TMEM128: variants seen among roughly 807,000 people sequenced by gnomAD.
TMEM128 encodes the protein transmembrane protein 128.
In TMEM128, 16 loss-of-function variants were observed where a neutral mutation model predicts 19.7. The observed-to-expected ratio is 0.81, with a 90% CI of 0.55 to 1.23. TMEM128 has a LOEUF of 1.23. Ranked by LOEUF, TMEM128 falls within the 50% of genes most tolerant of loss-of-function variation. The pLI is 0.00. For missense variants in TMEM128, 237 were observed against 200.8 expected (o/e 1.18, Z -1.09); for synonymous variants, 98 against 75.8 (o/e 1.29, Z -1.52).
At chr4:4,244,764 G>A (rs4018329) in intron 2 of TMEM128, among the ~76,000 whole-genome samples, 46,849 of 151,902 alleles carry the variant, frequency 0.31, 7,842 homozygotes, top group East Asian at 0.44. Context: ...CAGACTCTGC[G>A]CTTCCTATGG....
chr4:4,238,043 C>A, intron 3 of TMEM128, 108 bp from the exon 4 acceptor site: 1 of 659,568 alleles, frequency 1.5e-6, no homozygotes, highest in South Asian at 2.7e-5. Flanking sequence ...ATCCAGTCAG[C>A]AACTTTCTCT....
rs550678279 is a variant in TMEM128, at chr4:4,247,839, A to G, written c.97+267T>C. ...TGCGGTACACGCATGTTTCTGGTAA[A>G]TCCTTAAGACTTAAAACTGGTGGGT... is the stretch of plus-strand genomic sequence containing the variant. On this transcript the variant is annotated intron_variant, in intron 1 of 4. Coordinates refer to ENST00000382753, the MANE Select transcript of TMEM128 (RefSeq NM_001297551.2). The G allele has an allele frequency of 4.9e-6, 7 of 1,433,850 alleles. No individual in the cohort carries two copies. In the South Asian group the frequency reaches 1.0e-4, roughly 21 times the overall value. 88.8% of individuals were successfully genotyped at this position (1,433,850 alleles called of 1,614,324 possible).
intron 1 of TMEM128, 199 bp downstream of exon 1, chr4:4,247,907 G>A: frequency 7.0e-7 from 1 of 1,429,894 alleles, no homozygotes; most frequent in East Asian, 2.5e-5. Context: ...TGTCAAATCA[G>A]CTCTCCAGAG....
intron 2 of TMEM128, 52 bp from the exon 3 acceptor site, chr4:4,240,531 A>G (rs567729155): frequency 8.9e-6 from 14 of 1,564,790 alleles, no homozygotes; most frequent in East Asian, 4.7e-5. Context: ...GAATCGTCAC[A>G]TATCTTAAAA....
intron 2 of TMEM128, among the ~76,000 whole-genome samples, chr4:4,240,834 T>G (rs377205134): frequency 1.1e-4 from 16 of 152,284 alleles, no homozygotes; most frequent in African/African-American, 3.4e-4. Context: ...TCCCAACACT[T>G]TGGAAGGCCG....
chr4:4,246,893 G>A (rs1334238611), intron 1 of TMEM128, among the ~76,000 whole-genome samples: 2 of 151,904 alleles, frequency 1.3e-5, no homozygotes, highest in Non-Finnish European at 2.9e-5. Context: ...GATTACAGGC[G>A]CCTGCCACCA....
intron 1 of TMEM128, chr4:4,247,788 G>A: frequency 2.0e-6 from 3 of 1,470,170 alleles, no homozygotes; most frequent in South Asian, 2.7e-5. Flanking sequence ...ATCCTGAAGT[G>A]AAACACTGCG....
chr4:4,240,485 G>C lies in TMEM128; in HGVS notation c.240-6C>G. 6.2e-7 allele frequency: 1 copy of C among 1,611,116 alleles called. No individual in the cohort carries two copies. Among genetic ancestry groups the C allele is most frequent in the Non-Finnish European group, 8.5e-7 (1 of 1,178,456 alleles). ...CACTGCCACAGAGAAACCAGCTGTG[G>C]AGATAAAAACAGTAAGAGGTCTGAC... is the stretch of plus-strand genomic sequence containing the variant. On this transcript the variant is annotated splice_region_variant and splice_polypyrimidine_tract_variant and intron_variant, in intron 2 of 4. Coordinates refer to ENST00000382753, the MANE Select transcript of TMEM128 (RefSeq NM_001297551.2).
chr4:4,236,242 T>C lies in TMEM128; in HGVS notation c.*24A>G, dbSNP rs1274325622. On this transcript the variant is annotated 3_prime_UTR_variant, in exon 5 of 5. Transcript: ENST00000382753. ...GAGTTCAAAGACAGCCTGGGCAACA[T>C]AGAAGACCCTGTCTCTTAAAAAAAA... 1.5e-5 allele frequency: 2 copies of C among 132,282 alleles called. No homozygotes were observed. Among genetic ancestry groups the C allele is most frequent in the Admixed American group, 8.3e-5 (1 of 12,120 alleles). The allele number at this position is 132,282 out of a possible 1,614,324, so 8.2% of individuals were successfully genotyped here.
chr4:4,242,076 A>G (rs1316826955), intron 2 of TMEM128, among the ~76,000 whole-genome samples: 1 of 151,982 alleles, frequency 6.6e-6, no homozygotes, highest in Non-Finnish European at 1.5e-5. Flanking sequence ...TAATTTTTGT[A>G]TTTTTAGTAG....
intron 3 of TMEM128, among the ~76,000 whole-genome samples, chr4:4,239,294 C>T (rs1190101148): frequency 2.6e-5 from 4 of 151,948 alleles, no homozygotes; most frequent in African/African-American, 9.7e-5. Context: ...ATAAATATAA[C>T]GAAGTCCAAC....
chr4:4,242,587 C>T (rs945845703), intron 2 of TMEM128, among the ~76,000 whole-genome samples: 5 of 151,728 alleles, frequency 3.3e-5, no homozygotes, highest in East Asian at 1.9e-4. Context: ...GGCACGATCT[C>T]GGCTCACTGC....
At chr4:4,245,675 T>C (rs928006723) in intron 2 of TMEM128, among the ~76,000 whole-genome samples, 2 of 152,188 alleles carry the variant, frequency 1.3e-5, no homozygotes, top group Non-Finnish European at 2.9e-5. Context: ...TCATTGGTTT[T>C]ATTTTTTCCA....
At position 4,246,447 on chromosome 4, in the gene TMEM128, C is replaced by G. The variant is rs1173154250; in HGVS notation, c.98-104G>C. ...ATTTCCTAGAGCTAAGAAACAGTCTCTCCCATGATAACAAATCCTTCTGTA... is the reference window on the plus strand; with the variant it reads ...ATTTCCTAGAGCTAAGAAACAGTCTGTCCCATGATAACAAATCCTTCTGTA... On this transcript the variant is annotated intron_variant, in intron 1 of 4. Coordinates refer to ENST00000382753, the MANE Select transcript of TMEM128 (RefSeq NM_001297551.2). 4 of 1,177,452 alleles carry G rather than the reference C, an allele frequency of 3.4e-6. No homozygotes were observed. In the African/African-American group the frequency reaches 6.2e-5, roughly 18 times the overall value. 72.9% of individuals were successfully genotyped at this position (1,177,452 alleles called of 1,614,324 possible).
chr4:4,247,865 ATT>A, intron 1 of TMEM128: 1 of 1,429,410 alleles, frequency 7.0e-7, no homozygotes, highest in Non-Finnish European at 9.1e-7. Flanking sequence ...ACTGGTGGGT[ATT>A]TTTAATTTTA....
At chr4:4,247,557 T>C in intron 1 of TMEM128, 3 of 1,614,016 alleles carry the variant, frequency 1.9e-6, no homozygotes, top group Non-Finnish European at 2.5e-6. Flanking sequence ...ACTGAATTCT[T>C]CCATATTCTA....
At chr4:4,244,193 C>T (rs1469627537) in intron 2 of TMEM128, among the ~76,000 whole-genome samples, 1 of 152,100 alleles carries the variant, frequency 6.6e-6, no homozygotes, top group Non-Finnish European at 1.5e-5. Flanking sequence ...CCATCCCCTC[C>T]AGCCAGGTGC....
chr4:4,240,269 CAA>C, intron 3 of TMEM128, 50 bp downstream of exon 3: 1 of 1,457,406 alleles, frequency 6.9e-7, no homozygotes, highest in Non-Finnish European at 9.4e-7. Flanking sequence ...ACTATCTGAT[CAA>C]AAAAAAAATT....
In TMEM128 at chr4:4,248,161, G is replaced by T; in HGVS notation, c.42C>A (p.Phe14Leu). 1 of 1,533,636 alleles carries T rather than the reference G, an allele frequency of 6.5e-7. No individual in the cohort carries two copies. Among genetic ancestry groups the T allele is most frequent in the Non-Finnish European group, 8.8e-7 (1 of 1,141,410 alleles). ...SRARQQLRRR[F>L]LLLPDAEAQL... ...GGGCCTCGGCGTCCGGCAGGAGGAG[G>T]AATCGCCGCCGGAGCTGCTGCCGGG... Residue 14 changes from phenylalanine (F) to leucine (L), a missense_variant, in exon 1 of 5, where the codon TTC (phenylalanine) becomes TTA (leucine). By Grantham distance (22) the Phe-to-Leu change is conservative. Transcript: ENST00000382753.
Sources: allele counts gnomAD v4.1 joint callset (sites outside exome capture counted in the v4.1 genomes callset), GRCh38; gene constraint gnomAD v4.1.1; transcripts MANE v1.5; gene names NCBI Gene and HGNC (gene_info 2026-07-23, HGNC 2026-07-21).